The following TMTC1 variants were observed in gnomAD, a reference collection of about 807,000 sequenced individuals.
TMTC1 encodes protein O-mannosyl-transferase TMTC1.
In TMTC1, 73 loss-of-function variants were observed where a neutral mutation model predicts 104.8. The observed-to-expected ratio is 0.70, with a 90% CI of 0.58 to 0.85. TMTC1 has a LOEUF of 0.85. Among genes scored for constraint, TMTC1 ranks in the 40% least tolerant of loss-of-function variants. TMTC1 has a pLI of 0.00. For synonymous variants in TMTC1, 434 were observed against 428.7 expected (o/e 1.01, Z -0.15); for missense variants, 1,035 against 1,096.1 (o/e 0.94, Z 0.79).
At chr12:29,709,580 A>G (rs911311182) in intron 5 of TMTC1, among the ~76,000 whole-genome samples, 5 of 152,180 alleles carry the variant, frequency 3.3e-5, no homozygotes, top group African/African-American at 1.2e-4. Context: ...AAATTCACAG[A>G]TTTTCTAAAT....
intron 5 of TMTC1, among the ~76,000 whole-genome samples, chr12:29,677,159 C>T (rs1940757497): frequency 6.6e-6 from 1 of 152,184 alleles, no homozygotes; most frequent in South Asian, 2.1e-4. Flanking sequence ...TTTGCTGTTT[C>T]TCTTCTTTAT....
chr12:29,732,164 G>A (rs1942561377), intron 5 of TMTC1, among the ~76,000 whole-genome samples: 1 of 152,124 alleles, frequency 6.6e-6, no homozygotes, highest in African/African-American at 2.4e-5. Flanking sequence ...AATGATAATT[G>A]CAAAATCAGT....
chr12:29,610,852 C>T (rs972663402), intron 6 of TMTC1, among the ~76,000 whole-genome samples: 1 of 152,238 alleles, frequency 6.6e-6, no homozygotes, highest in African/African-American at 2.4e-5. Context: ...AAAAGCAGAG[C>T]TGCCAACCCA....
chr12:29,587,056 A>G (rs1043041876), intron 7 of TMTC1, among the ~76,000 whole-genome samples: 5 of 152,078 alleles, frequency 3.3e-5, no homozygotes, highest in East Asian at 1.9e-4. Flanking sequence ...CTGTGAATCC[A>G]TCTGGCCCTG....
chr12:29,636,807 G>A (rs907089108), intron 5 of TMTC1, among the ~76,000 whole-genome samples: 6 of 151,740 alleles, frequency 4.0e-5, no homozygotes, highest in African/African-American at 1.5e-4. Context: ...CACCTTGGGA[G>A]GCCTAGCTGA....
chr12:29,563,094 G>A (rs1945419382), intron 9 of TMTC1, among the ~76,000 whole-genome samples: 1 of 152,106 alleles, frequency 6.6e-6, no homozygotes, highest in South Asian at 2.1e-4. Context: ...GATGTGAAGG[G>A]CAAGTAACCC....
intron 8 of TMTC1, among the ~76,000 whole-genome samples, chr12:29,576,167 C>G (rs1945817123): frequency 1.3e-5 from 2 of 152,176 alleles, no homozygotes; most frequent in Admixed American, 1.3e-4. Context: ...ATTGGATATA[C>G]AGTTTGCAAA....
At chr12:29,526,598 C>A (rs1312133848) in intron 11 of TMTC1, among the ~76,000 whole-genome samples, 1 of 152,114 alleles carries the variant, frequency 6.6e-6, no homozygotes, top group Non-Finnish European at 1.5e-5. Context: ...ATAATGTGAT[C>A]TTTAAGTTAT....
rs1237372288 is a variant in TMTC1 at position 29,763,116 on chromosome 12, T to C, written c.481-4339A>G. ...TCACAAGCTAGACAAGCTTAACTAA[T>C]GTGTTAAAGGCGTCCTGCAGCCTGG... On this transcript the variant is annotated intron_variant, in intron 2 of 17. Coordinates refer to ENST00000539277, the MANE Select transcript of TMTC1 (RefSeq NM_001193451.2). Among the ~76,000 whole-genome samples, 3 of 152,196 alleles carry C rather than the reference T, an allele frequency of 2.0e-5. No individual in the cohort carries two copies. In the East Asian group the frequency reaches 5.8e-4, roughly 29 times the overall value.
At chr12:29,543,501 C>T (rs1005200147) in intron 10 of TMTC1, among the ~76,000 whole-genome samples, 19 of 152,262 alleles carry the variant, frequency 1.2e-4, no homozygotes, top group Middle Eastern at 3.4e-3. Context: ...TAAAATTTCC[C>T]ATTAACCACA....
At chr12:29,664,816 T>C (rs973965443) in intron 5 of TMTC1, among the ~76,000 whole-genome samples, 1 of 152,268 alleles carries the variant, frequency 6.6e-6, no homozygotes, top group Non-Finnish European at 1.5e-5. Context: ...CAATTTACTA[T>C]GTAAATGCTA....
At chr12:29,663,629 G>A (rs1940137221) in intron 5 of TMTC1, among the ~76,000 whole-genome samples, 1 of 151,492 alleles carries the variant, frequency 6.6e-6, no homozygotes. Context: ...CTATTCTCCT[G>A]CCTCATCCTC....
chr12:29,672,989 G>A (rs981080913), intron 5 of TMTC1, among the ~76,000 whole-genome samples: 1 of 152,180 alleles, frequency 6.6e-6, no homozygotes, highest in African/African-American at 2.4e-5. Context: ...ATTTAAGATA[G>A]GATGGTTGAC....
chr12:29,517,676 C>G (rs1001728986), intron 13 of TMTC1, 105 bp from the exon 14 acceptor site: 38 of 1,290,598 alleles, frequency 2.9e-5, no homozygotes, highest in Non-Finnish European at 3.7e-5. Context: ...AACCTCTGCT[C>G]CAATACGGTC....
chr12:29,532,054 AG>A (rs1257440580), intron 11 of TMTC1, among the ~76,000 whole-genome samples: 1 of 152,194 alleles, frequency 6.6e-6, no homozygotes, highest in East Asian at 1.9e-4. Context: ...TAAAATGAGA[AG>A]GTTAAAAAAA....
At chr12:29,587,190 C>T (rs1946160966) in intron 7 of TMTC1, among the ~76,000 whole-genome samples, 1 of 152,100 alleles carries the variant, frequency 6.6e-6, no homozygotes, top group Non-Finnish European at 1.5e-5. Context: ...AGGAATTTAT[C>T]CATTTCTTCT....
chr12:29,696,214 G>A (rs1435531794), intron 5 of TMTC1, among the ~76,000 whole-genome samples: 1 of 152,104 alleles, frequency 6.6e-6, no homozygotes, highest in East Asian at 1.9e-4. Context: ...GTTTGTGCTT[G>A]GGGAAAAGAT....
chr12:29,628,944 C>G (rs1025067783), intron 6 of TMTC1, among the ~76,000 whole-genome samples: 1 of 151,992 alleles, frequency 6.6e-6, no homozygotes, highest in African/African-American at 2.4e-5. Context: ...TTACAGGCAT[C>G]AGAGACTGCG....
At chr12:29,666,393 TTG>T in intron 5 of TMTC1, 4 of 330,272 alleles carry the variant, frequency 1.2e-5, no homozygotes, top group African/African-American at 2.3e-5. Flanking sequence ...AATTTTTTTT[TTG>T]TTGTTGTTGT....
Sources: allele counts gnomAD v4.1 joint callset (sites outside exome capture counted in the v4.1 genomes callset), GRCh38; gene constraint gnomAD v4.1.1; transcripts MANE v1.5; gene names NCBI Gene and HGNC (gene_info 2026-07-23, HGNC 2026-07-21).